Variants in CNBD1 observed in about 807,000 individuals in gnomAD.
The protein encoded by CNBD1 is cyclic nucleotide binding domain containing 1.
In CNBD1, 71 loss-of-function variants were observed where a neutral mutation model predicts 54.4. The observed-to-expected ratio is 1.30, with a 90% confidence interval of 1.08 to 1.59. The LOEUF (loss-of-function observed/expected upper bound fraction) is 1.59, where lower values mean the gene tolerates loss of function less well. Among genes scored for constraint, CNBD1 ranks in the 40% most tolerant of loss-of-function variants. The pLI is 0.00. For missense variants in CNBD1, 659 were observed against 518.0 expected (o/e 1.27, Z -2.64); for synonymous variants, 182 against 170.7 (o/e 1.07, Z -0.51).
intron 10 of CNBD1, among the ~76,000 whole-genome samples, chr8:87,377,434 A>G (rs1779086252): frequency 6.6e-6 from 1 of 151,734 alleles, no homozygotes; most frequent in Admixed American, 6.6e-5. Flanking sequence ...TAGTTTATTG[A>G]GAATGATGAT....
intron 4 of CNBD1, among the ~76,000 whole-genome samples, chr8:86,946,130 T>C (rs530518669): frequency 6.6e-6 from 1 of 152,324 alleles, no homozygotes; most frequent in Admixed American, 6.5e-5. Context: ...CATACTGTGA[T>C]TGCTTTTTAA....
At chr8:87,427,518 A>G (rs1182166489) in intron 2 of CNBD1, among the ~76,000 whole-genome samples, 2 of 152,194 alleles carry the variant, frequency 1.3e-5, no homozygotes, top group African/African-American at 2.4e-5. Flanking sequence ...AAAATGTAAT[A>G]TGGAGATTAC....
At chr8:86,989,304 A>AATACATACATAC (rs60755421) in intron 4 of CNBD1, among the ~76,000 whole-genome samples, 33,113 of 149,074 alleles carry the variant, frequency 0.22, 4,001 homozygotes, top group South Asian at 0.29. Context: ...AAAACAAATA[A>AATACATACATAC]ATACATACAT....
intron 3 of CNBD1, among the ~76,000 whole-genome samples, chr8:86,927,974 G>A (rs548213934): frequency 6.6e-6 from 1 of 152,100 alleles, no homozygotes; most frequent in South Asian, 2.1e-4. Context: ...ACTCGGGTGT[G>A]GTGAATCCAA....
chr8:87,164,123 C>G lies in CNBD1; in HGVS notation c.432-41870C>G, dbSNP rs532159024. On this transcript the variant is annotated intron_variant, in intron 4 of 10. Transcript: ENST00000518476. ...TGTTGATTTGCATATATTGAATCAT[C>G]TTTGCACCTCAGGGATAAATCCCAC... Among the ~76,000 whole-genome samples, 4 of 151,990 alleles carry G rather than the reference C, an allele frequency of 2.6e-5. No individual in the cohort carries two copies. The South Asian group carries it at 8.3e-4, about 32-fold the overall frequency.
At chr8:87,129,920 G>A (rs1174561743) in intron 4 of CNBD1, among the ~76,000 whole-genome samples, 1 of 152,184 alleles carries the variant, frequency 6.6e-6, no homozygotes, top group Non-Finnish European at 1.5e-5. Flanking sequence ...TCACGTGGCT[G>A]GGGAAGCCTC....
chr8:86,911,579 A>G (rs2131815178), intron 3 of CNBD1, among the ~76,000 whole-genome samples: 1 of 152,348 alleles, frequency 6.6e-6, no homozygotes, highest in Middle Eastern at 3.4e-3. Flanking sequence ...TTAAACATTT[A>G]TCTATGCTGG....
chr8:87,070,380 A>G (rs1810736074), intron 4 of CNBD1, among the ~76,000 whole-genome samples: 1 of 152,094 alleles, frequency 6.6e-6, no homozygotes, highest in Non-Finnish European at 1.5e-5. Context: ...GGTGGAAGTA[A>G]GAGAAATAAA....
At chr8:86,931,368 G>A (rs556581680) in intron 3 of CNBD1, among the ~76,000 whole-genome samples, 1 of 152,314 alleles carries the variant, frequency 6.6e-6, no homozygotes, top group Non-Finnish European at 1.5e-5. Context: ...GGATCATCTG[G>A]TTGGGGGCTT....
At chr8:87,074,923 T>G (rs1810836939) in intron 4 of CNBD1, among the ~76,000 whole-genome samples, 1 of 152,222 alleles carries the variant, frequency 6.6e-6, no homozygotes, top group Admixed American at 6.5e-5. Context: ...GAATTGAATT[T>G]CAGTATAATT....
intron 3 of CNBD1, among the ~76,000 whole-genome samples, chr8:86,916,977 T>C (rs1470030876): frequency 1.3e-5 from 2 of 151,800 alleles, no homozygotes; most frequent in Non-Finnish European, 2.9e-5. Context: ...TTCTAGTGAT[T>C]CTCATGCCCC....
chr8:86,970,695 G>T (rs1186285181), intron 4 of CNBD1, among the ~76,000 whole-genome samples: 1 of 152,048 alleles, frequency 6.6e-6, no homozygotes, highest in Non-Finnish European at 1.5e-5. Flanking sequence ...TTATAATTGA[G>T]AACATGCAGC....
At chr8:87,052,956 G>A (rs1810341247) in intron 4 of CNBD1, among the ~76,000 whole-genome samples, 1 of 151,640 alleles carries the variant, frequency 6.6e-6, no homozygotes, top group South Asian at 2.1e-4. Flanking sequence ...TGAAGTCAAG[G>A]GAGTTGGAGG....
intron 3 of CNBD1, among the ~76,000 whole-genome samples, chr8:86,915,598 A>G (rs985010779): frequency 2.6e-5 from 4 of 152,214 alleles, no homozygotes; most frequent in East Asian, 1.9e-4. Flanking sequence ...GCCCAGATCA[A>G]ACTTCCTTCA....
chr8:87,374,543 G>A (rs1810885967), intron 10 of CNBD1, among the ~76,000 whole-genome samples: 1 of 151,454 alleles, frequency 6.6e-6, no homozygotes, highest in Non-Finnish European at 1.5e-5. Flanking sequence ...TTGTATGGAA[G>A]AGATTAGTTA....
intron 8 of CNBD1, among the ~76,000 whole-genome samples, chr8:87,332,823 TTC>T (rs1453395010): frequency 2.8e-4 from 43 of 152,188 alleles, no homozygotes; most frequent in Admixed American, 2.8e-3. Context: ...TCCAGCTTTG[TTC>T]TTTTTGCTTA....
chr8:87,144,205 C>T lies in CNBD1; in HGVS notation c.432-61788C>T, dbSNP rs76076578. On this transcript the variant is annotated intron_variant, in intron 4 of 10. Transcript: ENST00000518476. The stretch of plus-strand genomic sequence containing the variant: ...CAAAAGTGTTCTCCGGTTGATAAAA[C>T]CTTCTAAAACCAGAAAGGGCAAATG... 9.7e-3 allele frequency among the ~76,000 whole-genome samples: 1,480 copies of T among 152,234 alleles called. 34 individuals are homozygous for T. The highest frequency in any genetic ancestry group is 0.034 in the African/African-American group (1,404 of 41,562).
chr8:86,879,217 T>C (rs1474000315), intron 1 of CNBD1, among the ~76,000 whole-genome samples: 4 of 152,128 alleles, frequency 2.6e-5, no homozygotes, highest in Non-Finnish European at 4.4e-5. Context: ...TTACTAAATA[T>C]TATTTAAATC....
chr8:86,912,549 A>G (rs1470516113), intron 3 of CNBD1, among the ~76,000 whole-genome samples: 1 of 152,206 alleles, frequency 6.6e-6, no homozygotes, highest in Non-Finnish European at 1.5e-5. Context: ...GATGATGTCA[A>G]TGTAAACAAA....
Sources: gnomAD v4.1 joint callset for allele counts (sites outside exome capture counted in the v4.1 genomes callset) on GRCh38, gnomAD v4.1.1 for gene constraint, MANE v1.5 for transcripts, NCBI Gene and HGNC (gene_info 2026-07-23, HGNC 2026-07-21) for gene names.